CSMD3: variants seen among roughly 807,000 people sequenced by gnomAD.
CSMD3 encodes CUB and sushi domain-containing protein 3.
Under a neutral mutation model 435.2 loss-of-function variants are expected in CSMD3, and 177 were observed. That is an observed-to-expected ratio of 0.41 (90% CI 0.36 to 0.46). The LOEUF (loss-of-function observed/expected upper bound fraction) is 0.46, where lower values mean the gene tolerates loss of function less well. CSMD3 is among the 20% of genes least tolerant of loss of function. The pLI, the probability that CSMD3 is intolerant of heterozygous loss-of-function variation, is 0.34. For missense variants in CSMD3, 4,265 were observed against 4,504.6 expected, an observed-to-expected ratio of 0.95 and a Z score of 1.52; for synonymous variants, 1,656 against 1,520.5, an observed-to-expected ratio of 1.09 and a Z score of -2.07.
chr8:112,746,643 A>G (rs2077432806), intron 13 of CSMD3, among the ~76,000 whole-genome samples: 1 of 150,680 alleles, frequency 6.6e-6, no homozygotes, highest in South Asian at 2.1e-4. Context: ...AGTTATATAT[A>G]TTATTTATTT....
At chr8:112,950,099 A>T (rs2130808814) in intron 8 of CSMD3, among the ~76,000 whole-genome samples, 1 of 152,080 alleles carries the variant, frequency 6.6e-6, no homozygotes, top group South Asian at 2.1e-4. Flanking sequence ...AGTTTCACAT[A>T]CCTTTAGTTA....
At chr8:112,392,863 T>TC (rs1222498512) in intron 35 of CSMD3, among the ~76,000 whole-genome samples, 2 of 131,858 alleles carry the variant, frequency 1.5e-5, no homozygotes, top group Non-Finnish European at 3.1e-5. Flanking sequence ...TTCTTTTTTT[T>TC]CTTTTTTTTT....
intron 13 of CSMD3, among the ~76,000 whole-genome samples, chr8:112,757,440 T>C (rs1488265986): frequency 6.6e-6 from 1 of 152,134 alleles, no homozygotes; most frequent in African/African-American, 2.4e-5. Context: ...TTTATTTCTG[T>C]ATGCTTACAT....
At chr8:112,863,288 C>T (rs2080876528) in intron 10 of CSMD3, among the ~76,000 whole-genome samples, 1 of 151,700 alleles carries the variant, frequency 6.6e-6, no homozygotes. Flanking sequence ...TGAAATACAA[C>T]CTTTATTTCT....
chr8:113,362,165 A>T (rs2132994289), intron 1 of CSMD3, among the ~76,000 whole-genome samples: 1 of 152,342 alleles, frequency 6.6e-6, no homozygotes, highest in South Asian at 2.1e-4. Context: ...ATTCAAAAAA[A>T]TTACTGAACA....
At chr8:113,084,951 A>G (rs963008163) in intron 5 of CSMD3, among the ~76,000 whole-genome samples, 15 of 151,990 alleles carry the variant, frequency 9.9e-5, no homozygotes, top group African/African-American at 3.6e-4. Context: ...TCTCTATTTA[A>G]AAAAAAGATC....
rs190681141 is a variant in CSMD3 at position 113,297,018 on chromosome 8, T to A, written c.401+17553A>T. Among the ~76,000 whole-genome samples the A allele has an allele frequency of 9.9e-5, 15 of 152,284 alleles. No individual in the cohort carries two copies. In the East Asian group the frequency reaches 2.9e-3, roughly 29 times the overall value. On this transcript the variant is annotated intron_variant, in intron 2 of 70. Coordinates refer to ENST00000297405, the MANE Select transcript of CSMD3 (RefSeq NM_198123.2). ...TTTCTCATAAAGTTAAACACAACAT[T>A]ATTTATGTTTGTCCTTTCTTGTATG...
intron 40 of CSMD3, among the ~76,000 whole-genome samples, chr8:112,346,588 T>C (rs964474696): frequency 6.6e-6 from 1 of 151,868 alleles, no homozygotes; most frequent in African/African-American, 2.4e-5. Context: ...CGATATAATT[T>C]AGAGTAAAAT....
intron 27 of CSMD3, among the ~76,000 whole-genome samples, chr8:112,536,676 C>T (rs1183831367): frequency 2.0e-5 from 3 of 151,098 alleles, no homozygotes; most frequent in East Asian, 1.9e-4. Context: ...TGGGTATATA[C>T]CCAAAGGACT....
intron 2 of CSMD3, among the ~76,000 whole-genome samples, chr8:113,302,300 A>AT (rs2093778025): frequency 1.5e-5 from 2 of 135,794 alleles, no homozygotes; most frequent in Non-Finnish European, 3.1e-5. Context: ...ATATAATATA[A>AT]TATATATATT....
rs555266887 is a variant in CSMD3, at chr8:113,414,573, A to C, written c.178+22104T>G. Among the ~76,000 whole-genome samples, 3 of 151,738 alleles carry C rather than the reference A, an allele frequency of 2.0e-5. No homozygotes were observed. In the South Asian group the frequency reaches 6.2e-4, roughly 32 times the overall value. Reference sequence around the variant, plus strand: ...AACTCTCTTTGGTGTAATAAAATTGAAATACTTATTATTTGAACATATTAT... The same window carrying C: ...AACTCTCTTTGGTGTAATAAAATTGCAATACTTATTATTTGAACATATTAT... On this transcript the variant is annotated intron_variant, in intron 1 of 70. Transcript: ENST00000297405.
At chr8:113,404,476 A>G (rs1178429778) in intron 1 of CSMD3, among the ~76,000 whole-genome samples, 2 of 151,376 alleles carry the variant, frequency 1.3e-5, no homozygotes, top group Non-Finnish European at 3.0e-5. Context: ...CCTAGCACCT[A>G]ATTCAGTGAC....
intron 5 of CSMD3, among the ~76,000 whole-genome samples, chr8:113,034,654 T>A (rs2087261241): frequency 6.6e-6 from 1 of 152,098 alleles, no homozygotes; most frequent in Non-Finnish European, 1.5e-5. Flanking sequence ...ACCCTTTGAC[T>A]TACACTATAA....
intron 45 of CSMD3, among the ~76,000 whole-genome samples, chr8:112,330,905 G>C (rs1232869480): frequency 6.6e-6 from 1 of 151,970 alleles, no homozygotes; most frequent in Non-Finnish European, 1.5e-5. Flanking sequence ...TTTTCAAAAA[G>C]GGATCATTCT....
At chr8:112,988,468 C>A (rs2085333443) in intron 6 of CSMD3, among the ~76,000 whole-genome samples, 1 of 151,962 alleles carries the variant, frequency 6.6e-6, no homozygotes, top group African/African-American at 2.4e-5. Flanking sequence ...AATTTGAGTT[C>A]TTCTATTATA....
chr8:112,658,784 C>T (rs112886256), intron 17 of CSMD3, among the ~76,000 whole-genome samples: 2 of 152,090 alleles, frequency 1.3e-5, no homozygotes, highest in South Asian at 2.1e-4. Flanking sequence ...ATGGCAAAAC[C>T]CTGTCTCTAC....
At chr8:113,182,465 A>G (rs2092434823) in intron 3 of CSMD3, among the ~76,000 whole-genome samples, 1 of 151,966 alleles carries the variant, frequency 6.6e-6, no homozygotes, top group African/African-American at 2.4e-5. Context: ...TGCACTTTGG[A>G]AAGACTTGAA....
intron 17 of CSMD3, among the ~76,000 whole-genome samples, chr8:112,662,311 G>T (rs1170461862): frequency 1.3e-5 from 2 of 152,120 alleles, no homozygotes; most frequent in African/African-American, 4.8e-5. Flanking sequence ...CATGGTACTG[G>T]TACCAAAACA....
In CSMD3 at chr8:112,581,457, A is replaced by C. The variant is rs146228166; in HGVS notation, c.3885+5609T>G. Among the ~76,000 whole-genome samples the C allele has an allele frequency of 1.1e-3, 168 of 152,176 alleles. 1 individual carries two copies. The highest frequency in any genetic ancestry group is 3.9e-3 in the African/African-American group (161 of 41,566). On this transcript the variant is annotated intron_variant, in intron 23 of 70. Transcript: ENST00000297405. ...TTATTAGCTATATTTGGACAAAATA[A>C]CATGGCAATGGGGGAAATATTTAAA...
Sources: gnomAD v4.1 joint callset for allele counts (sites outside exome capture counted in the v4.1 genomes callset) on GRCh38, gnomAD v4.1.1 for gene constraint, MANE v1.5 for transcripts, NCBI Gene and HGNC (gene_info 2026-07-23, HGNC 2026-07-21) for gene names.